B4GALT6: variants seen among roughly 807,000 people sequenced by gnomAD.
B4GALT6 encodes beta-1,4-galactosyltransferase 6.
Under a neutral mutation model 46.3 loss-of-function variants are expected in B4GALT6, and 14 were observed. The observed-to-expected ratio is 0.30, with a 90% confidence interval of 0.20 to 0.47. The LOEUF (loss-of-function observed/expected upper bound fraction) is 0.47. B4GALT6 is among the 20% of genes least tolerant of loss of function. The pLI is 0.99. For missense variants in B4GALT6, 386 were observed against 480.1 expected (o/e 0.80, Z 1.83); for synonymous variants, 168 against 162.0 (o/e 1.04, Z -0.28).
At chr18:31,639,845 T>A (rs1415286717) in intron 4 of B4GALT6, among the ~76,000 whole-genome samples, 1 of 152,164 alleles carries the variant, frequency 6.6e-6, no homozygotes, top group Non-Finnish European at 1.5e-5. Context: ...AATACAAGAA[T>A]AAATGAATGA....
At chr18:31,710,279 T>C in the B4GALT6 span, among the ~76,000 whole-genome samples, 21 of 152,246 alleles carry the variant, frequency 1.4e-4, 1 homozygote, top group South Asian at 4.1e-3. Context: ...CATAAATTGA[T>C]ATAAATAAGA....
chr18:31,647,385 T>C (rs1034016422), intron 3 of B4GALT6, among the ~76,000 whole-genome samples: 15 of 152,210 alleles, frequency 9.9e-5, no homozygotes, highest in African/African-American at 3.6e-4. Flanking sequence ...CTTTATTTCT[T>C]TCCCTCAATA....
chr18:31,659,104 TAA>T (rs2074179645), intron 2 of B4GALT6, among the ~76,000 whole-genome samples: 1 of 152,120 alleles, frequency 6.6e-6, no homozygotes, highest in African/African-American at 2.4e-5. Flanking sequence ...AACAGCTCAT[TAA>T]ACTACCGTCT....
the B4GALT6 span, among the ~76,000 whole-genome samples, chr18:31,712,393 C>A: frequency 1.4e-5 from 2 of 142,580 alleles, no homozygotes; most frequent in Non-Finnish European, 1.5e-5. Context: ...ACCTACACTT[C>A]CTGGGTTCAA....
At chr18:31,638,836 T>C in intron 4 of B4GALT6, 76 bp from the exon 5 acceptor site, 1 of 1,225,832 alleles carries the variant, frequency 8.2e-7, no homozygotes, top group Non-Finnish European at 1.2e-6. Context: ...AATCAATCCT[T>C]GAAAACTTCT....
upstream of B4GALT6, chr18:31,684,774 G>A (rs1392818097): frequency 5.6e-6 from 6 of 1,074,354 alleles, no homozygotes; most frequent in African/African-American, 1.6e-5. Flanking sequence ...GGGAGGAGGG[G>A]CTGCAGGTGG....
intron 3 of B4GALT6, among the ~76,000 whole-genome samples, chr18:31,652,846 G>A (rs2144622293): frequency 6.6e-6 from 1 of 152,202 alleles, no homozygotes; most frequent in East Asian, 1.9e-4. Flanking sequence ...GCTTCCTGCA[G>A]CAAGCTCCTC....
chr18:31,625,625 C>T lies in B4GALT6; in HGVS notation c.1138G>A (p.Glu380Lys), dbSNP rs758183089. 29 of 1,612,914 alleles carry T rather than the reference C, an allele frequency of 1.8e-5. No homozygotes were observed. The South Asian group carries it at 2.3e-4, about 13-fold the overall frequency. ...GACAGCCACTTCTTTTAATAGTCTT[C>T]GATTGGAGCTAACTCTGGCATGAGG... ...VNLMPELAPIEDY is the reference protein window; with the variant it reads ...VNLMPELAPIKDY Residue 380 changes from glutamate to lysine, a missense_variant, in exon 9 of 9, where the codon GAA (glutamate) becomes AAA (lysine). By Grantham distance (56) the Glu-to-Lys change is moderately conservative. Coordinates refer to ENST00000306851, the MANE Select transcript of B4GALT6 (RefSeq NM_004775.5).
chr18:31,706,207 T>G, the B4GALT6 span, among the ~76,000 whole-genome samples: 5 of 152,140 alleles, frequency 3.3e-5, no homozygotes, highest in Non-Finnish European at 5.9e-5. Context: ...TAAATGTGTT[T>G]GATGTACATG....
the B4GALT6 span, among the ~76,000 whole-genome samples, chr18:31,692,907 C>G: frequency 6.6e-6 from 1 of 152,178 alleles, no homozygotes; most frequent in East Asian, 1.9e-4. Flanking sequence ...TCTAACTGAA[C>G]TTACTTATAT....
At chr18:31,630,368 A>G (rs1473677231) in intron 6 of B4GALT6, among the ~76,000 whole-genome samples, 2 of 151,730 alleles carry the variant, frequency 1.3e-5, no homozygotes, top group African/African-American at 4.8e-5. Flanking sequence ...CTCAGCTCTG[A>G]TAACTGTTCA....
At chr18:31,674,098 A>G (rs1016431868) in intron 1 of B4GALT6, among the ~76,000 whole-genome samples, 3 of 152,244 alleles carry the variant, frequency 2.0e-5, no homozygotes, top group Non-Finnish European at 4.4e-5. Flanking sequence ...TAATTCTGAG[A>G]AAATAAACTT....
the B4GALT6 span, among the ~76,000 whole-genome samples, chr18:31,698,713 A>G: frequency 0.45 from 68,416 of 151,820 alleles, 18,038 homozygotes; most frequent in South Asian, 0.68. Context: ...CAGTATACTC[A>G]GTAAATAGCA....
chr18:31,699,753 C>T, the B4GALT6 span, among the ~76,000 whole-genome samples: 4 of 150,450 alleles, frequency 2.7e-5, no homozygotes, highest in East Asian at 1.9e-4. Flanking sequence ...AAATTTAGAA[C>T]GAACAAAGAC....
At chr18:31,690,605 G>T (rs766925647), upstream of B4GALT6, among the ~76,000 whole-genome samples, 1 of 151,794 alleles carries the variant, frequency 6.6e-6, no homozygotes, top group Non-Finnish European at 1.5e-5. Context: ...CAAGTAGCTG[G>T]GATTACAGGC....
the B4GALT6 span, among the ~76,000 whole-genome samples, chr18:31,693,678 A>G: frequency 6.6e-6 from 1 of 152,192 alleles, no homozygotes; most frequent in Non-Finnish European, 1.5e-5. Flanking sequence ...TTGAAAATGT[A>G]AAGGGCTGGC....
chr18:31,681,310 C>T (rs909450343), intron 1 of B4GALT6, among the ~76,000 whole-genome samples: 1 of 152,220 alleles, frequency 6.6e-6, no homozygotes, highest in African/African-American at 2.4e-5. Flanking sequence ...CTCATCTTTG[C>T]AATCATGCAC....
intron 3 of B4GALT6, among the ~76,000 whole-genome samples, chr18:31,653,988 CGTTT>C (rs1351373523): frequency 5.3e-5 from 8 of 151,938 alleles, no homozygotes; most frequent in African/African-American, 1.7e-4. Flanking sequence ...GCTTTGCTGA[CGTTT>C]GTTTGCTTAT....
intron 1 of B4GALT6, among the ~76,000 whole-genome samples, chr18:31,670,564 C>T (rs2074339506): frequency 6.6e-6 from 1 of 152,058 alleles, no homozygotes; most frequent in African/African-American, 2.4e-5. Flanking sequence ...TCCCTAAAGA[C>T]CAAAACCCAT....
Sources: allele counts gnomAD v4.1 joint callset (sites outside exome capture counted in the v4.1 genomes callset), GRCh38; gene constraint gnomAD v4.1.1; transcripts MANE v1.5; gene names NCBI Gene and HGNC (gene_info 2026-07-23, HGNC 2026-07-21).